Variants in CAST observed in about 807,000 individuals in gnomAD.
CAST encodes MIR583 host.
A neutral mutation model predicts 119.6 loss-of-function variants in CAST; 76 were observed. The observed-to-expected ratio is 0.64, with a 90% CI of 0.53 to 0.77. CAST has a LOEUF of 0.77. CAST is among the 30% of genes least tolerant of loss of function. The pLI is 0.00. For missense variants in CAST, 953 were observed against 946.5 expected, an observed-to-expected ratio of 1.01 and a Z score of -0.09; for synonymous variants, 319 against 331.6, an observed-to-expected ratio of 0.96 and a Z score of 0.41.
the CAST span, among the ~76,000 whole-genome samples, chr5:96,473,451 A>T: frequency 6.6e-6 from 1 of 152,374 alleles, no homozygotes; most frequent in African/African-American, 2.4e-5. Flanking sequence ...CAGGCAGTTT[A>T]TGTCTGGTGC....
the CAST span, among the ~76,000 whole-genome samples, chr5:96,469,865 G>GTA: frequency 0.18 from 22,851 of 129,062 alleles, 2,326 homozygotes; most frequent in Middle Eastern, 0.27. Flanking sequence ...ATATGTGTGT[G>GTA]TATATATATA....
the CAST span, among the ~76,000 whole-genome samples, chr5:96,220,067 G>C: frequency 1.6e-4 from 24 of 152,158 alleles, no homozygotes; most frequent in Non-Finnish European, 2.9e-4. Flanking sequence ...GACTGAAAAT[G>C]CTAAATACTA....
chr5:96,586,024 T>C (rs916605124), intron 1 of CAST, among the ~76,000 whole-genome samples: 5 of 152,238 alleles, frequency 3.3e-5, no homozygotes, highest in African/African-American at 1.2e-4. Context: ...TGAAAAATTT[T>C]ATGTGTCAGG....
chr5:96,612,243 T>C (rs191109549), intron 1 of CAST, among the ~76,000 whole-genome samples: 12 of 152,312 alleles, frequency 7.9e-5, no homozygotes, highest in African/African-American at 2.9e-4. Context: ...TGGAATACCA[T>C]TCAGCCTTAA....
chr5:96,066,091 A>T, the CAST span, among the ~76,000 whole-genome samples: 1 of 152,226 alleles, frequency 6.6e-6, no homozygotes, highest in Non-Finnish European at 1.5e-5. Context: ...CAGGTTAATG[A>T]AGAGAGAAGA....
the CAST span, chr5:96,391,768 C>T: frequency 3.4e-4 from 52 of 152,272 alleles, no homozygotes; most frequent in African/African-American, 1.2e-3. Context: ...AAAGATGGGT[C>T]CGAGAATGAG....
At chr5:96,637,231 C>T (rs994706878) in intron 1 of CAST, among the ~76,000 whole-genome samples, 1 of 152,150 alleles carries the variant, frequency 6.6e-6, no homozygotes, top group African/African-American at 2.4e-5. Flanking sequence ...CATTTATTTT[C>T]TCAGCTAATT....
At chr5:96,035,041 G>GTATATATATA in the CAST span, among the ~76,000 whole-genome samples, 1 of 107,984 alleles carries the variant, frequency 9.3e-6, no homozygotes, top group African/African-American at 3.5e-5. Flanking sequence ...TTGTATTTAA[G>GTATATATATA]TATATATATA....
intron 1 of CAST, among the ~76,000 whole-genome samples, chr5:96,617,603 C>T (rs554552043): frequency 1.8e-3 from 274 of 151,690 alleles, no homozygotes; most frequent in Middle Eastern, 0.017. Flanking sequence ...TCCTGGCTAA[C>T]ACAGTGAAAC....
the CAST span, among the ~76,000 whole-genome samples, chr5:96,374,095 A>G: frequency 0.019 from 2,887 of 152,202 alleles, 104 homozygotes; most frequent in East Asian, 0.17. Flanking sequence ...TATGTAGAAA[A>G]CCTGCTACAC....
chr5:95,969,088 C>T, the CAST span, among the ~76,000 whole-genome samples: 7 of 152,176 alleles, frequency 4.6e-5, no homozygotes, highest in African/African-American at 1.4e-4. Context: ...ATCTTATGAG[C>T]TATCATACGG....
rs1320391941 is a variant in CAST, at chr5:96,774,403, A to ATAAC, written c.*1789_*1792dup. Reference sequence around the variant, plus strand: ...AGACTTGGGTGTTTGTTAATAACTAATAACTGGAGTAAGCTACAGGATCTA... The same window carrying ATAAC: ...AGACTTGGGTGTTTGTTAATAACTAATAACTAACTGGAGTAAGCTACAGGATCTA... On this transcript the variant is annotated 3_prime_UTR_variant, in exon 32 of 32. Coordinates refer to ENST00000675179, the MANE Select transcript of CAST (RefSeq NM_001750.7). The ATAAC allele has an allele frequency of 1.9e-6, 1 of 532,934 alleles. No individual in the cohort carries two copies. The highest frequency in any genetic ancestry group is 2.0e-5 in the African/African-American group (1 of 48,788). 33.0% of individuals were successfully genotyped at this position (532,934 alleles called of 1,614,324 possible).
the CAST span, among the ~76,000 whole-genome samples, chr5:96,216,059 A>C: frequency 6.6e-6 from 1 of 152,028 alleles, no homozygotes; most frequent in Admixed American, 6.6e-5. Flanking sequence ...CTGCTCACCT[A>C]AGCCTCCCAA....
At chr5:95,997,324 C>T in the CAST span, among the ~76,000 whole-genome samples, 43 of 152,198 alleles carry the variant, frequency 2.8e-4, 1 homozygote, top group East Asian at 6.4e-3. Context: ...CTCTTCCAGC[C>T]CTCCTCTCTG....
At chr5:96,379,141 C>G in the CAST span, among the ~76,000 whole-genome samples, 1 of 152,072 alleles carries the variant, frequency 6.6e-6, no homozygotes, top group African/African-American at 2.4e-5. Flanking sequence ...TCTTTATGAG[C>G]TTTTGATACC....
the CAST span, among the ~76,000 whole-genome samples, chr5:96,203,356 G>A: frequency 2.6e-5 from 4 of 151,818 alleles, no homozygotes; most frequent in African/African-American, 9.7e-5. Flanking sequence ...TATTTCCTTG[G>A]ACAGCTTAGT....
Position 96,683,250 on chromosome 5 carries a change from C to G in CAST, c.138+7649C>G, listed in dbSNP as rs576999054. ...CAGATGCATGACACAAGTGGTTCAC[C>G]AATTGTGCTTTTCAATATAGTTCCA... On this transcript the variant is annotated intron_variant, in intron 2 of 31. Transcript: ENST00000675179. Among the ~76,000 whole-genome samples, 3 of 152,200 alleles carry G rather than the reference C, an allele frequency of 2.0e-5. No individual in the cohort carries two copies. In the South Asian group the frequency reaches 6.2e-4, roughly 32 times the overall value.
chr5:96,460,087 C>T, the CAST span, among the ~76,000 whole-genome samples: 31 of 152,226 alleles, frequency 2.0e-4, no homozygotes, highest in South Asian at 5.6e-3. Context: ...AGACAAATAG[C>T]GCTGACAAGT....
chr5:96,650,689 C>T (rs1319094352), intron 1 of CAST, among the ~76,000 whole-genome samples: 8 of 149,882 alleles, frequency 5.3e-5, no homozygotes, highest in Non-Finnish European at 1.0e-4. Flanking sequence ...ATGTACTTTC[C>T]ATATATGTAA....
Sources: gnomAD v4.1 joint callset for allele counts (sites outside exome capture counted in the v4.1 genomes callset) on GRCh38, gnomAD v4.1.1 for gene constraint, MANE v1.5 for transcripts, NCBI Gene and HGNC (gene_info 2026-07-23, HGNC 2026-07-21) for gene names.